Variants in TACR1 observed in about 807,000 individuals in gnomAD.
TACR1 encodes substance-P receptor.
In TACR1, 25 loss-of-function variants were observed where a neutral mutation model predicts 35.8. That is an observed-to-expected ratio of 0.70 (90% confidence interval 0.51 to 0.98). The LOEUF (loss-of-function observed/expected upper bound fraction) is 0.98. Ranked by LOEUF, TACR1 falls within the 50% of genes least tolerant of loss-of-function variation. TACR1 has a pLI of 0.00. For missense variants in TACR1, 478 were observed against 522.9 expected (o/e 0.91, Z 0.84); for synonymous variants, 195 against 206.7 (o/e 0.94, Z 0.48).
At chr2:75,189,090 C>G (rs868601760) in intron 1 of TACR1, 1 of 152,030 alleles carries the variant, frequency 6.6e-6, no homozygotes, top group African/African-American at 2.4e-5. Flanking sequence ...AGGATGCAAA[C>G]TAGGGGTGGG....
At chr2:75,088,916 C>T (rs1465863075) in intron 2 of TACR1, among the ~76,000 whole-genome samples, 2 of 152,170 alleles carry the variant, frequency 1.3e-5, no homozygotes, top group African/African-American at 4.8e-5. Context: ...GTGTGGTTGT[C>T]TTCCTTCCCT....
In TACR1 at chr2:75,198,860, G is replaced by T; in HGVS notation, c.75C>A (p.Phe25Leu). 6.2e-7 allele frequency: 1 copy of T among 1,614,148 alleles called. No individual in the cohort carries two copies. Among genetic ancestry groups the T allele is most frequent in the Non-Finnish European group, 8.5e-7 (1 of 1,180,032 alleles). Reference sequence around the variant, plus strand: ...GGACAATTTGCCAGGCTGGTTGCACGAACTGATTGGGTTCCGAGGTGTTAG... The same window carrying T: ...GGACAATTTGCCAGGCTGGTTGCACTAACTGATTGGGTTCCGAGGTGTTAG... ...ISTNTSEPNQ[F>L]VQPAWQIVLW... The change falls in exon 1 of 5, where the codon TTC becomes TTA. Residue 25 changes from phenylalanine to leucine, a missense_variant. Phe to Leu is a conservative substitution (Grantham distance 22, BLOSUM62 0). Transcript: ENST00000305249.
intron 2 of TACR1, among the ~76,000 whole-genome samples, chr2:75,068,549 A>C (rs768132305): frequency 6.6e-6 from 1 of 152,224 alleles, no homozygotes; most frequent in African/African-American, 2.4e-5. Context: ...TACTACCACC[A>C]TAAACATATT....
chr2:75,064,069 C>T (rs573175556), intron 2 of TACR1, among the ~76,000 whole-genome samples: 2 of 148,134 alleles, frequency 1.4e-5, no homozygotes, highest in Non-Finnish European at 3.0e-5. Flanking sequence ...CTTACAGATT[C>T]TTTCTTGGGC....
At chr2:75,078,492 T>C (rs1673020503) in intron 2 of TACR1, among the ~76,000 whole-genome samples, 2 of 152,154 alleles carry the variant, frequency 1.3e-5, no homozygotes, top group Admixed American at 1.3e-4. Flanking sequence ...AAGAGTTTAA[T>C]TTCTATTAGT....
At chr2:75,177,405 C>T (rs890461103) in intron 1 of TACR1, among the ~76,000 whole-genome samples, 1 of 152,182 alleles carries the variant, frequency 6.6e-6, no homozygotes, top group Non-Finnish European at 1.5e-5. Context: ...TCTCCACTTG[C>T]CTCTAGCCTT....
At chr2:75,127,945 C>T (rs1054045473) in intron 1 of TACR1, among the ~76,000 whole-genome samples, 1 of 152,194 alleles carries the variant, frequency 6.6e-6, no homozygotes, top group African/African-American at 2.4e-5. Flanking sequence ...CCCTCCCATA[C>T]TCCTGTTAGC....
intron 2 of TACR1, among the ~76,000 whole-genome samples, chr2:75,063,523 A>G (rs560874396): frequency 6.6e-6 from 1 of 152,254 alleles, no homozygotes; most frequent in African/African-American, 2.4e-5. Context: ...CATTGCTTAC[A>G]CTTTTCCCAG....
At chr2:75,143,363 T>C (rs1674446627) in intron 1 of TACR1, among the ~76,000 whole-genome samples, 1 of 152,238 alleles carries the variant, frequency 6.6e-6, no homozygotes, top group South Asian at 2.1e-4. Context: ...AATATGACTC[T>C]TCCAGCTTTA....
intron 1 of TACR1, among the ~76,000 whole-genome samples, chr2:75,158,803 G>C (rs1674929670): frequency 6.6e-6 from 1 of 152,176 alleles, no homozygotes; most frequent in African/African-American, 2.4e-5. Flanking sequence ...GCAATGTGGT[G>C]ATTTAGCTGG....
Position 75,198,763 on chromosome 2 carries a change from A to T in TACR1, c.172T>A (p.Leu58Ile). Residue 58 changes from leucine to isoleucine, a missense_variant, in exon 1 of 5, where the codon TTA becomes ATA. Leu to Ile is a conservative substitution (Grantham distance 5). Coordinates refer to ENST00000305249, the MANE Select transcript of TACR1 (RefSeq NM_001058.4). ...VGNVVVMWII[L>I]AHKRMRTVTN... is the part of the protein sequence containing the mutation. ...ACTGTCCTCATTCTTTTGTGGGCTA[A>T]GATGATCCACATCACTACCACGTTG... 1 of 1,614,206 alleles carries T rather than the reference A, an allele frequency of 6.2e-7. No individual in the cohort carries two copies. The highest frequency in any genetic ancestry group is 8.5e-7 in the Non-Finnish European group (1 of 1,180,040).
intron 2 of TACR1, among the ~76,000 whole-genome samples, chr2:75,108,776 GA>G (rs1673697670): frequency 6.6e-6 from 1 of 152,080 alleles, no homozygotes; most frequent in South Asian, 2.1e-4. Flanking sequence ...CTAGATAAAA[GA>G]TAAGCTCACA....
chr2:75,163,861 T>A (rs1162321104), intron 1 of TACR1, among the ~76,000 whole-genome samples: 3 of 152,200 alleles, frequency 2.0e-5, no homozygotes, highest in East Asian at 3.8e-4. Flanking sequence ...ATGAATCATT[T>A]AAGTTTCTTC....
chr2:75,122,111 G>A (rs964208813), intron 1 of TACR1, among the ~76,000 whole-genome samples: 2 of 152,180 alleles, frequency 1.3e-5, no homozygotes, highest in African/African-American at 4.8e-5. Flanking sequence ...GAGAAAAGGT[G>A]CATCAATAAG....
At chr2:75,085,326 G>C (rs1053555447) in intron 2 of TACR1, among the ~76,000 whole-genome samples, 1 of 151,946 alleles carries the variant, frequency 6.6e-6, no homozygotes, top group African/African-American at 2.4e-5. Context: ...ACTCCTTGGG[G>C]AGATAAATTT....
At chr2:75,180,419 G>A (rs182984964) in intron 1 of TACR1, among the ~76,000 whole-genome samples, 110 of 152,254 alleles carry the variant, frequency 7.2e-4, no homozygotes, top group African/African-American at 2.5e-3. Context: ...TGCAGTTCTT[G>A]TCACTGAAGA....
chr2:75,073,447 A>G (rs1672919488), intron 2 of TACR1, among the ~76,000 whole-genome samples: 1 of 152,256 alleles, frequency 6.6e-6, no homozygotes, highest in African/African-American at 2.4e-5. Flanking sequence ...TGTGTGTGGC[A>G]AGGGGACCAT....
At chr2:75,177,646 C>T (rs945614704) in intron 1 of TACR1, among the ~76,000 whole-genome samples, 1 of 152,088 alleles carries the variant, frequency 6.6e-6, no homozygotes, top group Non-Finnish European at 1.5e-5. Context: ...CTTTGTTTAC[C>T]TCACTTAGAT....
intron 2 of TACR1, among the ~76,000 whole-genome samples, chr2:75,115,084 C>CGTGTGTGT (rs3079164): frequency 0.012 from 1,813 of 148,756 alleles, 31 homozygotes; most frequent in East Asian, 0.076. Flanking sequence ...TGTTAACATA[C>CGTGTGTGT]GTGTGTGTGT....
Sources: allele counts gnomAD v4.1 joint callset (sites outside exome capture counted in the v4.1 genomes callset), GRCh38; gene constraint gnomAD v4.1.1; transcripts MANE v1.5; gene names NCBI Gene and HGNC (gene_info 2026-07-23, HGNC 2026-07-21).